RALB: variants seen among roughly 807,000 people sequenced by gnomAD.
RALB encodes the protein RAS like proto-oncogene B, also known as ras-related protein Ral-B.
A neutral mutation model predicts 21.3 loss-of-function variants in RALB; 16 were observed. The observed-to-expected ratio is 0.75, with a 90% CI of 0.51 to 1.14. The LOEUF is 1.14. Ranked by LOEUF, RALB falls within the 50% of genes most tolerant of loss-of-function variation. The pLI is 0.00. For missense variants in RALB, 161 were observed against 256.2 expected (o/e 0.63, Z 2.54); for synonymous variants, 93 against 96.1 (o/e 0.97, Z 0.19).
At chr2:120,266,933 G>C (rs1453175082) in intron 1 of RALB, among the ~76,000 whole-genome samples, 1 of 152,160 alleles carries the variant, frequency 6.6e-6, no homozygotes, top group Non-Finnish European at 1.5e-5. Flanking sequence ...AAGTGAAATG[G>C]TAGACAATAT....
chr2:120,287,516 G>A (rs1690194592), intron 3 of RALB, among the ~76,000 whole-genome samples: 1 of 152,172 alleles, frequency 6.6e-6, no homozygotes, highest in South Asian at 2.1e-4. Context: ...GGTAAAACAG[G>A]ACAGATGCAC....
chr2:120,290,988 T>C (rs1690291893), intron 4 of RALB, among the ~76,000 whole-genome samples: 1 of 152,194 alleles, frequency 6.6e-6, no homozygotes, highest in South Asian at 2.1e-4. Flanking sequence ...ATCCCCTATA[T>C]CCTGTCTTCT....
chr2:120,278,851 G>A, intron 2 of RALB, 73 bp downstream of exon 2: 1 of 1,360,984 alleles, frequency 7.3e-7, no homozygotes, highest in East Asian at 2.7e-5. Context: ...CGCTGTTTCT[G>A]TGCCGGTCCT....
At chr2:120,291,008 T>C (rs891419215) in intron 4 of RALB, among the ~76,000 whole-genome samples, 1 of 152,246 alleles carries the variant, frequency 6.6e-6, no homozygotes, top group Non-Finnish European at 1.5e-5. Flanking sequence ...TGTTTCTCTT[T>C]CTTGTGCAGA....
intron 1 of RALB, among the ~76,000 whole-genome samples, 193 bp from the exon 2 acceptor site, chr2:120,278,425 C>T (rs562233144): frequency 5.3e-5 from 8 of 152,312 alleles, no homozygotes; most frequent in Non-Finnish European, 8.8e-5. Context: ...GCCTTGGCTT[C>T]GCCCCAGCTG....
chr2:120,269,584 C>G (rs1457927188), intron 1 of RALB, among the ~76,000 whole-genome samples: 1 of 152,164 alleles, frequency 6.6e-6, no homozygotes, highest in Non-Finnish European at 1.5e-5. Context: ...CTCTAGCCAG[C>G]CACAGAGCGC....
At position 120,247,368 on chromosome 2, in the gene RALB, T is replaced by C. The variant is rs112509577; in HGVS notation, c.19+7243T>C. Among the ~76,000 whole-genome samples the C allele has an allele frequency of 1.2e-4, 19 of 152,360 alleles. 1 individual carries two copies. Among genetic ancestry groups the C allele is most frequent in the African/African-American group, 4.3e-4 (18 of 41,582 alleles). ...TCCTAATGTGTTTCCCAAGTAGCTT[T>C]GTTCCTGTTGGAAGATGAAAGCTTC... On this transcript the variant is annotated intron_variant, in intron 1 of 3. Transcript: ENST00000447591.
chr2:120,264,778 C>A (rs11885595), intron 1 of RALB, among the ~76,000 whole-genome samples: 2 of 152,036 alleles, frequency 1.3e-5, no homozygotes, highest in Admixed American at 6.5e-5. Context: ...CCCCCACCCC[C>A]TGGCAGCCGC....
At chr2:120,291,349 T>C (rs540157130) in intron 4 of RALB, among the ~76,000 whole-genome samples, 6 of 152,324 alleles carry the variant, frequency 3.9e-5, no homozygotes, top group East Asian at 1.9e-4. Context: ...TACACTCTTA[T>C]ATTATTGTGC....
intron 2 of RALB, among the ~76,000 whole-genome samples, chr2:120,283,483 A>G (rs1162497263): frequency 1.3e-5 from 2 of 152,208 alleles, no homozygotes; most frequent in Admixed American, 1.3e-4. Flanking sequence ...TGGAATTTTC[A>G]TGAAGATTAG....
At chr2:120,249,034 C>CTTTT (rs34646056), upstream of RALB, among the ~76,000 whole-genome samples, 5 of 136,786 alleles carry the variant, frequency 3.7e-5, no homozygotes, top group African/African-American at 1.4e-4. Context: ...TTGTGTTAGT[C>CTTTT]TTTTTTTTTT....
At chr2:120,286,155 A>T in intron 3 of RALB, 73 bp downstream of exon 3, 1 of 1,314,224 alleles carries the variant, frequency 7.6e-7, no homozygotes, top group Non-Finnish European at 1.1e-6. Context: ...AGGCCTATGA[A>T]GAATTTGGGG....
At chr2:120,269,703 A>T (rs926712221) in intron 1 of RALB, among the ~76,000 whole-genome samples, 2 of 152,260 alleles carry the variant, frequency 1.3e-5, no homozygotes, top group Admixed American at 1.3e-4. Context: ...CAGGAAGTCC[A>T]GCTGGCTTCA....
chr2:120,275,996 T>C (rs577371493), intron 1 of RALB, among the ~76,000 whole-genome samples: 1 of 152,300 alleles, frequency 6.6e-6, no homozygotes, highest in South Asian at 2.1e-4. Flanking sequence ...GAAAACCAGT[T>C]AGGACCAAGT....
At chr2:120,247,956 T>C (rs1444599572), upstream of RALB, among the ~76,000 whole-genome samples, 1 of 152,216 alleles carries the variant, frequency 6.6e-6, no homozygotes, top group East Asian at 1.9e-4. Context: ...GAGCTGTAAC[T>C]AGCCATTTAT....
At chr2:120,241,827 G>C (rs528789308) in intron 1 of RALB, among the ~76,000 whole-genome samples, 1 of 152,244 alleles carries the variant, frequency 6.6e-6, no homozygotes, top group Non-Finnish European at 1.5e-5. Context: ...GTGGGAATGC[G>C]TAATGGTGCA....
chr2:120,253,096 G>A (rs1689099087), intron 1 of RALB, 116 bp downstream of exon 1: 3 of 724,946 alleles, frequency 4.1e-6, no homozygotes, highest in South Asian at 1.2e-4. Flanking sequence ...CCGGGCGGCG[G>A]CAGGACATGT....
chr2:120,246,473 C>A (rs1335304107), intron 1 of RALB, among the ~76,000 whole-genome samples: 1 of 152,190 alleles, frequency 6.6e-6, no homozygotes, highest in Non-Finnish European at 1.5e-5. Flanking sequence ...CTGTGAGGGG[C>A]CAGGAGAGCA....
At chr2:120,259,044 C>G (rs527795005) in intron 1 of RALB, among the ~76,000 whole-genome samples, 1 of 151,736 alleles carries the variant, frequency 6.6e-6, no homozygotes, top group African/African-American at 2.4e-5. Flanking sequence ...TGGAGTTGTT[C>G]GTTCCTCCCG....
Sources: allele counts gnomAD v4.1 joint callset (sites outside exome capture counted in the v4.1 genomes callset), GRCh38; gene constraint gnomAD v4.1.1; transcripts MANE v1.5; gene names NCBI Gene and HGNC (gene_info 2026-07-23, HGNC 2026-07-21).